CADM3: variants seen among roughly 807,000 people sequenced by gnomAD.
CADM3 encodes the protein TSLC1-like 1.
CADM3 carries 11 observed loss-of-function variants against 44.9 expected under a neutral mutation model. That is an observed-to-expected ratio of 0.25 (90% CI 0.15 to 0.41). CADM3 has a LOEUF of 0.41. Among genes scored for constraint, CADM3 ranks in the 10% least tolerant of loss-of-function variants. CADM3 has a pLI of 1.00. For missense variants in CADM3, 426 were observed against 512.0 expected, an observed-to-expected ratio of 0.83 and a Z score of 1.62; for synonymous variants, 207 against 205.2, an observed-to-expected ratio of 1.01 and a Z score of -0.08.
intron 7 of CADM3, chr1:159,197,377 A>C: frequency 4.2e-6 from 1 of 239,028 alleles, no homozygotes; most frequent in South Asian, 8.6e-5. Flanking sequence ...AGAGGCCCCA[A>C]AGCCTCTCAA....
chr1:159,196,185 C>T (rs1571023756), intron 5 of CADM3, 179 bp from the exon 6 acceptor site: 1 of 571,922 alleles, frequency 1.7e-6, no homozygotes, highest in East Asian at 2.9e-5. Context: ...AGAGAAGTTG[C>T]TCACATATTC....
intron 7 of CADM3, 126 bp from the exon 8 acceptor site, chr1:159,199,623 GAC>G (rs1410893294): frequency 8.4e-7 from 1 of 1,184,834 alleles, no homozygotes; most frequent in Non-Finnish European, 1.2e-6. Flanking sequence ...CATGATGAAT[GAC>G]ACTGCTCCAT....
Position 159,171,843 on chromosome 1 carries a change from C to T in CADM3, c.78C>T (p.Leu26=). 2 of 1,244,498 alleles carry T rather than the reference C, an allele frequency of 1.6e-6. No homozygotes were observed. Among genetic ancestry groups the T allele is most frequent in the Non-Finnish European group, 2.0e-6 (2 of 992,778 alleles). 77.1% of individuals were successfully genotyped at this position (1,244,498 alleles called of 1,614,324 possible). A position where few individuals can be genotyped will look rare whatever the true frequency, so the allele number is the denominator to read the frequency against. ...GCTGGGCGCCCGGCGGGGCCAACCTCTCCCAGGACGGTGAGTGAGGGAGGG... is the reference window on the plus strand; with the variant it reads ...GCTGGGCGCCCGGCGGGGCCAACCTTTCCCAGGACGGTGAGTGAGGGAGGG... ...ACCWAPGGAN[L]SQDDSQPWTS... is the part of the protein sequence containing the mutation. Residue 26 remains leucine (L), a synonymous_variant, in exon 1 of 9, where the codon CTC becomes CTT. Coordinates refer to ENST00000368125, the MANE Select transcript of CADM3 (RefSeq NM_001127173.3).
chr1:159,174,833 T>C (rs1468359694), intron 1 of CADM3, among the ~76,000 whole-genome samples: 2 of 152,194 alleles, frequency 1.3e-5, no homozygotes, highest in Non-Finnish European at 2.9e-5. Flanking sequence ...GGTGAGCAGC[T>C]CAATATTCAA....
Position 159,202,959 on chromosome 1 carries a change from C to T in CADM3, c.*2037C>T, listed in dbSNP as rs1054176800. On this transcript the variant is annotated 3_prime_UTR_variant, in exon 9 of 9. Transcript: ENST00000368125. The stretch of plus-strand genomic sequence containing the variant: ...AAGCTGAACCACTCTGTCCATATTA[C>T]ACAGAAGCCATATTTGTACGGGGGG... The T allele has an allele frequency of 7.6e-6, 1 of 131,338 alleles. No homozygotes were observed. The highest frequency in any genetic ancestry group is 1.6e-5 in the Non-Finnish European group (1 of 64,394). The allele number at this position is 131,338 out of a possible 1,614,324, so 8.1% of individuals were successfully genotyped here.
At chr1:159,188,266 C>A (rs1457951871) in intron 1 of CADM3, among the ~76,000 whole-genome samples, 1 of 151,278 alleles carries the variant, frequency 6.6e-6, no homozygotes, top group African/African-American at 2.4e-5. Context: ...TCTCTCCCTT[C>A]CCTCTCCACC....
At position 159,200,864 on chromosome 1, in the gene CADM3, T is replaced by A; in HGVS notation, c.1139T>A (p.Ile380Asn). 6.2e-7 allele frequency: 1 copy of A among 1,611,316 alleles called. No individual in the cohort carries two copies. ...SDDAPDADTA[I>N]INAEGGQSGG... ...GATGCTCCAGACGCGGACACGGCCATCATCAATGCAGAAGGCGGGCAGTCA... is the reference window on the plus strand; with the variant it reads ...GATGCTCCAGACGCGGACACGGCCAACATCAATGCAGAAGGCGGGCAGTCA... Residue 380 changes from isoleucine (I) to asparagine (N), a missense_variant, in exon 9 of 9, where the codon ATC becomes AAC. By Grantham distance (149) the Ile-to-Asn change is moderately radical. Transcript: ENST00000368125.
In CADM3 at chr1:159,191,914, TAAC is replaced by T; in HGVS notation, c.89-20_89-18del. ...GAGGGGCTAGGGGTCCTCAGGAAACTAACACTCTTCTACTCCTGCAGACAGCCA... is the reference window on the plus strand; with the variant it reads ...GAGGGGCTAGGGGTCCTCAGGAAACTACTCTTCTACTCCTGCAGACAGCCA... On this transcript the variant is annotated intron_variant, in intron 1 of 8. Transcript: ENST00000368125. 1 of 1,613,674 alleles carries T rather than the reference TAAC, an allele frequency of 6.2e-7. No homozygotes were observed. Among genetic ancestry groups the T allele is most frequent in the South Asian group, 1.1e-5 (1 of 91,050 alleles).
At chr1:159,188,206 C>G (rs2102114541) in intron 1 of CADM3, among the ~76,000 whole-genome samples, 1 of 152,020 alleles carries the variant, frequency 6.6e-6, no homozygotes, top group African/African-American at 2.4e-5. Flanking sequence ...CTAGGACTCT[C>G]TAACGCTGCC....
At chr1:159,186,265 T>TC (rs1649414341) in intron 1 of CADM3, among the ~76,000 whole-genome samples, 1 of 152,168 alleles carries the variant, frequency 6.6e-6, no homozygotes, top group South Asian at 2.1e-4. Flanking sequence ...GTACAGGACC[T>TC]TGAAGGCTAG....
intron 1 of CADM3, among the ~76,000 whole-genome samples, chr1:159,180,579 ATTT>A (rs10681414): frequency 1.3e-5 from 2 of 149,460 alleles, no homozygotes; most frequent in East Asian, 3.9e-4. Flanking sequence ...AAAAATACAG[ATTT>A]TTTTTTTTTT....
chr1:159,179,812 T>A (rs1649160710), intron 1 of CADM3, among the ~76,000 whole-genome samples: 1 of 152,182 alleles, frequency 6.6e-6, no homozygotes, highest in African/African-American at 2.4e-5. Context: ...TAATCATTTT[T>A]TTTTTGCCCA....
At chr1:159,188,911 G>C in intron 1 of CADM3, among the ~76,000 whole-genome samples, 1 of 152,144 alleles carries the variant, frequency 6.6e-6, no homozygotes, top group East Asian at 1.9e-4. Context: ...CTCAAGAAAG[G>C]CGTTAGGAGC....
chr1:159,192,484 G>C, intron 2 of CADM3, 94 bp from the exon 3 acceptor site: 1 of 1,462,200 alleles, frequency 6.8e-7, no homozygotes, highest in South Asian at 1.2e-5. Flanking sequence ...CACCATACTA[G>C]ACCCCTTCCC....
In CADM3 at chr1:159,176,770, T is replaced by A. The variant is rs187717248; in HGVS notation, c.88+4917T>A. ...GTTGAGATTTTTACACAATAGAAGCTAAGATGCTAAGAAGTAAAGGTACAT... is the reference window on the plus strand; with the variant it reads ...GTTGAGATTTTTACACAATAGAAGCAAAGATGCTAAGAAGTAAAGGTACAT... On this transcript the variant is annotated intron_variant, in intron 1 of 8. Coordinates refer to ENST00000368125, the MANE Select transcript of CADM3 (RefSeq NM_001127173.3). Among the ~76,000 whole-genome samples, 655 of 152,318 alleles carry A rather than the reference T, an allele frequency of 4.3e-3. 2 individuals are homozygous for A. The highest frequency in any genetic ancestry group is 8.9e-3 in the Admixed American group (136 of 15,304).
chr1:159,193,800 T>A (rs1477609815), intron 4 of CADM3, 70 bp from the exon 5 acceptor site: 1 of 1,579,100 alleles, frequency 6.3e-7, no homozygotes. Context: ...CCACATGATA[T>A]CTGTATGTTA....
intron 1 of CADM3, among the ~76,000 whole-genome samples, chr1:159,186,446 C>T (rs764941684): frequency 7.9e-5 from 12 of 152,188 alleles, no homozygotes; most frequent in Non-Finnish European, 1.3e-4. Flanking sequence ...AAGCTCCTTC[C>T]GAGCTCCTAT....
intron 1 of CADM3, among the ~76,000 whole-genome samples, chr1:159,182,092 A>G (rs1649258739): frequency 6.6e-6 from 1 of 151,704 alleles, no homozygotes; most frequent in South Asian, 2.1e-4. Context: ...ACACACGCAC[A>G]CACACATGCC....
intron 1 of CADM3, among the ~76,000 whole-genome samples, chr1:159,181,464 A>C (rs896057355): frequency 9.2e-5 from 14 of 152,180 alleles, no homozygotes; most frequent in African/African-American, 3.4e-4. Context: ...CTCCAAAACA[A>C]CTGAAGACAG....
Sources: allele counts gnomAD v4.1 joint callset (sites outside exome capture counted in the v4.1 genomes callset), GRCh38; gene constraint gnomAD v4.1.1; transcripts MANE v1.5; gene names NCBI Gene and HGNC (gene_info 2026-07-23, HGNC 2026-07-21).